MAT1A: variants seen among roughly 807,000 people sequenced by gnomAD.
MAT1A encodes S-adenosylmethionine synthase isoform type-1.
In MAT1A, 19 loss-of-function variants were observed where a neutral mutation model predicts 44.0. The ratio of observed to expected loss-of-function variants is 0.43; its 90% CI spans 0.30 to 0.63. MAT1A has a LOEUF of 0.63. MAT1A is among the 30% of genes least tolerant of loss of function. MAT1A has a pLI of 0.12. For missense variants in MAT1A, 397 were observed against 531.0 expected, an observed-to-expected ratio of 0.75 and a Z score of 2.48; for synonymous variants, 205 against 205.6, an observed-to-expected ratio of 1.00 and a Z score of 0.03.
rs1203818573 is a variant in MAT1A, at chr10:80,272,813, C to G, written c.*968G>C. The G allele has an allele frequency of 6.6e-6, 1 of 152,222 alleles. No homozygotes were observed. The highest frequency in any genetic ancestry group is 1.5e-5 in the Non-Finnish European group (1 of 68,048). The allele number at this position is 152,222 out of a possible 1,614,324, so 9.4% of individuals were successfully genotyped here. On this transcript the variant is annotated 3_prime_UTR_variant, in exon 9 of 9. Coordinates refer to ENST00000372213, the MANE Select transcript of MAT1A (RefSeq NM_000429.3). ...TGGTCAGTCCCTAACTCCAGCCTAC[C>G]CTGATGGGCCAGGTAAGCCAACTCA...
At chr10:80,287,652 G>A (rs754635226) in intron 1 of MAT1A, among the ~76,000 whole-genome samples, 4 of 152,168 alleles carry the variant, frequency 2.6e-5, no homozygotes, top group Admixed American at 6.5e-5. Context: ...CACTTCCTCC[G>A]GGTGGAGTGA....
chr10:80,273,883 C>T lies in MAT1A; in HGVS notation c.1086G>A (p.Arg362=). ...AGATGGGCTTCTTCAAGTCCAAATC[C>T]CTGCATGTCCAGCAGAAAGGAAGGG... ...NFDLRPGVIV[R]DLDLKKPIYQ... The change falls in exon 9 of 9, where the codon AGG becomes AGA. Residue 362 remains arginine (R), a splice_region_variant and synonymous_variant. Coordinates refer to ENST00000372213, the MANE Select transcript of MAT1A (RefSeq NM_000429.3). 6.3e-7 allele frequency: 1 copy of T among 1,595,458 alleles called. No individual in the cohort carries two copies.
Position 80,275,368 on chromosome 10 carries a change from G to A in MAT1A, c.769-169C>T, listed in dbSNP as rs1841472862. 3 of 661,062 alleles carry A rather than the reference G, an allele frequency of 4.5e-6. No individual in the cohort carries two copies. The African/African-American group carries it at 5.4e-5, about 12-fold the overall frequency. 40.9% of individuals were successfully genotyped at this position (661,062 alleles called of 1,614,324 possible). A position where few individuals can be genotyped will look rare whatever the true frequency, so the allele number is the denominator to read the frequency against. On this transcript the variant is annotated intron_variant, in intron 6 of 8. Transcript: ENST00000372213. The stretch of plus-strand genomic sequence containing the variant: ...CCCAGAACTCTGGACTCCACTCCCA[G>A]CTCAGTCACTGACAACATATTGAAA...
rs1841413141 is a variant in MAT1A, at chr10:80,271,878, T to C, written c.*1903A>G. 6.6e-6 allele frequency: 1 copy of C among 152,220 alleles called. No individual in the cohort carries two copies. Among genetic ancestry groups the C allele is most frequent in the South Asian group, 2.1e-4 (1 of 4,830 alleles). 9.4% of individuals were successfully genotyped at this position (152,220 alleles called of 1,614,324 possible). A position where few individuals can be genotyped will look rare whatever the true frequency, so the allele number is the denominator to read the frequency against. Reference sequence around the variant, plus strand: ...GCAGGAACTATTAACAAATAAAGGCTTTAGTTTCATACAAACAAACTGACA... The same window carrying C: ...GCAGGAACTATTAACAAATAAAGGCCTTAGTTTCATACAAACAAACTGACA... On this transcript the variant is annotated 3_prime_UTR_variant, in exon 9 of 9. Coordinates refer to ENST00000372213, the MANE Select transcript of MAT1A (RefSeq NM_000429.3).
At chr10:80,285,448 C>A in intron 2 of MAT1A, 64 bp downstream of exon 2, 1 of 1,336,626 alleles carries the variant, frequency 7.5e-7, no homozygotes, top group South Asian at 1.2e-5. Flanking sequence ...GTCTTATACC[C>A]ATGATTAATT....
intron 1 of MAT1A, among the ~76,000 whole-genome samples, chr10:80,287,662 A>C (rs932671497): frequency 3.3e-5 from 5 of 152,352 alleles, no homozygotes; most frequent in East Asian, 3.9e-4. Context: ...GGGTGGAGTG[A>C]ATCTTTCTCC....
At chr10:80,284,808 C>T (rs189370533) in intron 2 of MAT1A, among the ~76,000 whole-genome samples, 88 of 152,290 alleles carry the variant, frequency 5.8e-4, no homozygotes, top group Middle Eastern at 3.4e-3. Context: ...AGGCTTCAAG[C>T]CAGGCAAAGG....
chr10:80,280,394 C>A, intron 4 of MAT1A, 78 bp from the exon 5 acceptor site: 1 of 1,573,800 alleles, frequency 6.4e-7, no homozygotes, highest in Admixed American at 1.7e-5. Context: ...TGAAATCTCC[C>A]TGGTGTGTCC....
intron 3 of MAT1A, among the ~76,000 whole-genome samples, chr10:80,283,563 C>G (rs1469753294): frequency 6.6e-6 from 1 of 152,274 alleles, no homozygotes; most frequent in Non-Finnish European, 1.5e-5. Flanking sequence ...TAAGACAACA[C>G]AAGAGACTAT....
At position 80,289,617 on chromosome 10, in the gene MAT1A, G is replaced by A. The variant is rs1254675186; in HGVS notation, c.-194C>T. ...GCGAGGACTGCTGAGAAGGGAGGGAGTGGATGGAACACGGGATGTGTCCCT... is the reference window on the plus strand; with the variant it reads ...GCGAGGACTGCTGAGAAGGGAGGGAATGGATGGAACACGGGATGTGTCCCT... On this transcript the variant is annotated 5_prime_UTR_variant, in exon 1 of 9. Transcript: ENST00000372213. 16 of 637,838 alleles carry A rather than the reference G, an allele frequency of 2.5e-5. No individual in the cohort carries two copies. The highest frequency in any genetic ancestry group is 4.6e-5 in the Non-Finnish European group (16 of 350,350). 39.5% of individuals were successfully genotyped at this position (637,838 alleles called of 1,614,324 possible).
intron 5 of MAT1A, among the ~76,000 whole-genome samples, chr10:80,279,376 T>A (rs1841530244): frequency 6.6e-6 from 1 of 151,896 alleles, no homozygotes; most frequent in Non-Finnish European, 1.5e-5. Flanking sequence ...CACGGCAGGC[T>A]CTCAGGGCCC....
intron 8 of MAT1A, 142 bp from the exon 9 acceptor site, chr10:80,274,025 G>A (rs912665145): frequency 4.7e-5 from 33 of 708,204 alleles, no homozygotes; most frequent in Non-Finnish European, 7.7e-5. Context: ...GCAGTTGCGC[G>A]CACCCATCCT....
chr10:80,275,173 C>G lies in MAT1A; in HGVS notation c.795G>C (p.Lys265Asn), dbSNP rs761502839. ...AGCCGCCATAGGTGTCCACAATAAT[C>G]TTACGGCCAGTGACACCCGCATCCC... ...PQGDAGVTGR[K>N]IIVDTYGGWG... The change falls in exon 7 of 9, where the codon AAG becomes AAC. Residue 265 changes from lysine to asparagine, a missense_variant. Lys to Asn is a moderately conservative substitution (Grantham distance 94). Transcript: ENST00000372213. 6.2e-7 allele frequency: 1 copy of G among 1,613,650 alleles called. No individual in the cohort carries two copies.
At chr10:80,277,564 G>A (rs1841507683) in intron 5 of MAT1A, among the ~76,000 whole-genome samples, 1 of 152,180 alleles carries the variant, frequency 6.6e-6, no homozygotes, top group Admixed American at 6.5e-5. Flanking sequence ...GCACACACAC[G>A]GCCCTGGGAA....
intron 2 of MAT1A, among the ~76,000 whole-genome samples, chr10:80,284,401 A>AC (rs921162602): frequency 2.6e-5 from 4 of 151,866 alleles, no homozygotes; most frequent in Admixed American, 1.3e-4. Flanking sequence ...CACACATGTG[A>AC]CCCCCCATCC....
chr10:80,279,041 A>C (rs570143872), intron 5 of MAT1A, among the ~76,000 whole-genome samples: 1 of 152,308 alleles, frequency 6.6e-6, no homozygotes, highest in Non-Finnish European at 1.5e-5. Flanking sequence ...AAGTTGGAAG[A>C]CCATAAAAGG....
rs370173781 is a variant in MAT1A, at chr10:80,274,577, C to T, written c.1028G>A (p.Arg343Gln). The part of the protein sequence containing the change: ...FTYGTSQKTE[R>Q]ELLDVVHKNF... ...CTTATGCACCACATCCAGCAGCTCT[C>T]GCTCTGTCTTCTGAGAGGTTCCGTA... is the stretch of plus-strand genomic sequence containing the variant. The change falls in exon 8 of 9, where the codon CGA (arginine) becomes CAA (glutamine). Residue 343 changes from arginine (R) to glutamine (Q), a missense_variant. Coordinates refer to ENST00000372213, the MANE Select transcript of MAT1A (RefSeq NM_000429.3). The T allele has an allele frequency of 1.9e-6, 3 of 1,614,204 alleles. No individual in the cohort carries two copies. The highest frequency in any genetic ancestry group is 1.3e-5 in the African/African-American group (1 of 75,046).
At chr10:80,277,753 G>C (rs1223417638) in intron 5 of MAT1A, among the ~76,000 whole-genome samples, 3 of 152,214 alleles carry the variant, frequency 2.0e-5, no homozygotes, top group Non-Finnish European at 2.9e-5. Context: ...ACTCCACGCA[G>C]TGGCCTTGCA....
intron 3 of MAT1A, among the ~76,000 whole-genome samples, chr10:80,281,353 A>C (rs1589482464): frequency 6.6e-6 from 1 of 152,276 alleles, no homozygotes; most frequent in East Asian, 1.9e-4. Context: ...AGGTACACAG[A>C]GTCTGGGGCA....
Sources: allele counts gnomAD v4.1 joint callset (sites outside exome capture counted in the v4.1 genomes callset), GRCh38; gene constraint gnomAD v4.1.1; transcripts MANE v1.5; gene names NCBI Gene and HGNC (gene_info 2026-07-23, HGNC 2026-07-21).